MID2: variants seen among roughly 807,000 people sequenced by gnomAD.
MID2 encodes the protein probable E3 ubiquitin-protein ligase MID2.
In MID2, 13 loss-of-function variants were observed where a neutral mutation model predicts 46.1. The ratio of observed to expected loss-of-function variants is 0.28; its 90% CI spans 0.18 to 0.45. The LOEUF is 0.45. Ranked by LOEUF, MID2 falls within the 20% of genes least tolerant of loss-of-function variation. The pLI, the probability that MID2 is intolerant of heterozygous loss-of-function variation, is 1.00. For missense variants in MID2, 431 were observed against 575.4 expected (o/e 0.75, Z 2.57); for synonymous variants, 199 against 212.3 (o/e 0.94, Z 0.55).
At position 107,905,946 on chromosome X, in the gene MID2, G is replaced by A. The variant is rs191345303; in HGVS notation, c.1073+320G>A. ...AACTTTTAGCTATATTGATAGGTGC[G>A]TGCTCTTCTCAGTCTGCATGCAGTT... On this transcript the variant is annotated intron_variant, in intron 5 of 9. Transcript: ENST00000262843. Among the ~76,000 whole-genome samples, 113 of 111,754 alleles carry A rather than the reference G, an allele frequency of 1.0e-3. 1 individual carries two copies. The highest frequency in any genetic ancestry group is 2.8e-3 in the African/African-American group (86 of 30,795).
At chrX:107,849,263 C>G (rs1325365741) in intron 2 of MID2, among the ~76,000 whole-genome samples, 1 of 111,966 alleles carries the variant, frequency 8.9e-6, no homozygotes, top group Non-Finnish European at 1.9e-5. Context: ...GGCTTCAGTA[C>G]TTACTGTGTC....
intron 3 of MID2, among the ~76,000 whole-genome samples, chrX:107,885,992 G>C (rs752820448): frequency 9.0e-6 from 1 of 111,667 alleles, no homozygotes; most frequent in South Asian, 3.7e-4. Flanking sequence ...TTGTAAATTT[G>C]TTTGAGTTCA....
At chrX:107,847,192 A>G (rs1173818469) in intron 2 of MID2, among the ~76,000 whole-genome samples, 1 of 112,296 alleles carries the variant, frequency 8.9e-6, no homozygotes, top group Non-Finnish European at 1.9e-5. Flanking sequence ...ATGAACATTC[A>G]CTTTGTTTAC....
intron 3 of MID2, among the ~76,000 whole-genome samples, chrX:107,862,591 G>C (rs1931882938): frequency 8.9e-6 from 1 of 112,144 alleles, no homozygotes; most frequent in Non-Finnish European, 1.9e-5. Context: ...CTGCCCTTCT[G>C]CAAGAATATC....
chrX:107,896,550 C>T (rs1382074842), intron 3 of MID2, among the ~76,000 whole-genome samples: 3 of 112,238 alleles, frequency 2.7e-5, no homozygotes, highest in Non-Finnish European at 5.6e-5. Flanking sequence ...TGTCCTCACG[C>T]TCTGTCTCCA....
At chrX:107,853,258 A>G (rs1602466194) in intron 2 of MID2, among the ~76,000 whole-genome samples, 1 of 111,599 alleles carries the variant, frequency 9.0e-6, no homozygotes, top group Admixed American at 9.5e-5. Context: ...GAAAGAATCT[A>G]TGTACCAGTA....
At chrX:107,885,832 T>C (rs956144995) in intron 3 of MID2, among the ~76,000 whole-genome samples, 4 of 112,009 alleles carry the variant, frequency 3.6e-5, no homozygotes, top group South Asian at 7.5e-4. Context: ...TGTGAGATGG[T>C]GTCTCATTGT....
chrX:107,916,049 A>G lies in MID2; in HGVS notation c.1121A>G (p.Asn374Ser), dbSNP rs760190425. Residue 374 changes from asparagine (N) to serine (S), a missense_variant, in exon 6 of 10, where the codon AAT (asparagine) becomes AGT (serine). By Grantham distance (46) the Asn-to-Ser change is conservative. Transcript: ENST00000262843. Reference protein sequence around the residue: ...ASSQVLIPDINFNDAFENFAL... With the variant: ...ASSQVLIPDISFNDAFENFAL... The stretch of plus-strand genomic sequence containing the variant: ...TCTCAAGTTCTGATTCCAGACATCA[A>G]TTTTAATGATGCCTTTGAAAACTTT... 2.5e-6 allele frequency: 3 copies of G among 1,201,902 alleles called. No individual in the cohort carries two copies. The Admixed American group carries it at 6.7e-5, about 27-fold the overall frequency.
At chrX:107,833,182 A>G (rs1931128278) in intron 1 of MID2, among the ~76,000 whole-genome samples, 1 of 111,144 alleles carries the variant, frequency 9.0e-6, no homozygotes, top group Non-Finnish European at 1.9e-5. Flanking sequence ...CTGTCTTTTT[A>G]TGTGGTAACA....
intron 1 of MID2, among the ~76,000 whole-genome samples, chrX:107,828,311 T>TTTC (rs1491192323): frequency 1.2e-3 from 74 of 60,584 alleles, no homozygotes; most frequent in African/African-American, 1.7e-3. Context: ...CTTTCTTTTC[T>TTTC]TTTTTTTTTT....
At chrX:107,845,656 A>C (rs1931454350) in intron 2 of MID2, among the ~76,000 whole-genome samples, 1 of 109,942 alleles carries the variant, frequency 9.1e-6, no homozygotes, top group Admixed American at 9.7e-5. Flanking sequence ...ATGAGAGTTA[A>C]AAGGTTGGAA....
At chrX:107,832,719 A>G (rs938992732) in intron 1 of MID2, among the ~76,000 whole-genome samples, 3 of 111,903 alleles carry the variant, frequency 2.7e-5, no homozygotes, top group Admixed American at 9.5e-5. Context: ...ATAAATTGAT[A>G]TACAAATGTA....
At chrX:107,842,048 G>A (rs892003136) in intron 2 of MID2, among the ~76,000 whole-genome samples, 3 of 112,595 alleles carry the variant, frequency 2.7e-5, no homozygotes, top group African/African-American at 9.7e-5. Flanking sequence ...AGTATACCAC[G>A]AAATTGGGAG....
At chrX:107,836,077 G>A (rs1418042922) in intron 1 of MID2, among the ~76,000 whole-genome samples, 1 of 111,867 alleles carries the variant, frequency 8.9e-6, no homozygotes, top group Non-Finnish European at 1.9e-5. Flanking sequence ...CCTCTTGCAT[G>A]TGGATATCCA....
intron 5 of MID2, 64 bp downstream of exon 5, chrX:107,905,690 T>G: frequency 2.0e-6 from 2 of 985,638 alleles, no homozygotes; most frequent in Non-Finnish European, 2.8e-6. Context: ...TAAAGTCACT[T>G]AAAGTTCAGG....
intron 3 of MID2, among the ~76,000 whole-genome samples, chrX:107,902,957 G>T (rs1602497102): frequency 9.0e-6 from 1 of 111,060 alleles, no homozygotes; most frequent in Non-Finnish European, 1.9e-5. Context: ...CAGCCCAGGG[G>T]TTTCACTTGA....
chrX:107,825,834 G>A, upstream of MID2: 1 of 231,344 alleles, frequency 4.3e-6, no homozygotes, highest in Non-Finnish European at 7.8e-6. Context: ...CCCACCCACC[G>A]GCTGCCTTTG....
intron 9 of MID2, 166 bp downstream of exon 9, chrX:107,926,467 T>C (rs1371998083): frequency 1.7e-6 from 1 of 598,746 alleles, no homozygotes; most frequent in Admixed American, 4.1e-5. Context: ...TAATGGAAAA[T>C]ATACTGGGCT....
chrX:107,922,803 T>C (rs183799064), intron 7 of MID2, among the ~76,000 whole-genome samples: 2 of 112,247 alleles, frequency 1.8e-5, no homozygotes, highest in Non-Finnish European at 3.8e-5. Flanking sequence ...TTCATAGTGA[T>C]CTTTTCCTCA....
Sources: gnomAD v4.1 joint callset for allele counts (sites outside exome capture counted in the v4.1 genomes callset) on GRCh38, gnomAD v4.1.1 for gene constraint, MANE v1.5 for transcripts, NCBI Gene and HGNC (gene_info 2026-07-23, HGNC 2026-07-21) for gene names.